MAPK13: variants seen among roughly 807,000 people sequenced by gnomAD.
MAPK13 encodes the protein mitogen-activated protein kinase 13.
In MAPK13, 39 loss-of-function variants were observed where a neutral mutation model predicts 53.5. The observed-to-expected ratio is 0.73, with a 90% CI of 0.56 to 0.95. The LOEUF is 0.95. Among genes scored for constraint, MAPK13 ranks in the 40% least tolerant of loss-of-function variants. The pLI is 0.00. For missense variants in MAPK13, 460 were observed against 471.8 expected (o/e 0.98, Z 0.23); for synonymous variants, 179 against 190.9 (o/e 0.94, Z 0.51).
chr6:36,130,538 C>A lies in MAPK13; in HGVS notation c.-45C>A, dbSNP rs13208493. 2 of 1,063,128 alleles carry A rather than the reference C, an allele frequency of 1.9e-6. No homozygotes were observed. Among genetic ancestry groups the A allele is most frequent in the Non-Finnish European group, 2.7e-6 (2 of 740,052 alleles). The allele number at this position is 1,063,128 out of a possible 1,614,324, so 65.9% of individuals were successfully genotyped here. A position where few individuals can be genotyped will look rare whatever the true frequency, so the allele number is the denominator to read the frequency against. ...GGGGCGCTGGGAGCCCGTTGGGCCGCGAACGCAGCCGCCACGCTGGGGCCG... is the reference window on the plus strand; with the variant it reads ...GGGGCGCTGGGAGCCCGTTGGGCCGAGAACGCAGCCGCCACGCTGGGGCCG... On this transcript the variant is annotated 5_prime_UTR_variant, in exon 1 of 12. Coordinates refer to ENST00000211287, the MANE Select transcript of MAPK13 (RefSeq NM_002754.5). This position sits in a 1 kb window ranked among gnomAD's most constrained non-coding sequence, Gnocchi z 4.5.
intron 3 of MAPK13, 80 bp downstream of exon 3, chr6:36,132,759 G>T: frequency 2.0e-6 from 3 of 1,491,938 alleles, no homozygotes; most frequent in South Asian, 2.3e-5. Flanking sequence ...AGGGTCTAGG[G>T]TTTCTATTCC....
Position 36,141,131 on chromosome 6 carries a change from C to T in MAPK13, c.*1758C>T, listed in dbSNP as rs2127488000. 1 of 152,218 alleles carries T rather than the reference C, an allele frequency of 6.6e-6. No homozygotes were observed. The highest frequency in any genetic ancestry group is 1.5e-5 in the Non-Finnish European group (1 of 68,024). 9.4% of individuals were successfully genotyped at this position (152,218 alleles called of 1,614,324 possible). ...GCATTTTTAAGGCCTTGAAACTCTT[C>T]TGTATAATACTGTAATGGTGGATAC... On this transcript the variant is annotated 3_prime_UTR_variant, in exon 12 of 12. Coordinates refer to ENST00000211287, the MANE Select transcript of MAPK13 (RefSeq NM_002754.5).
intron 10 of MAPK13, 48 bp from the exon 11 acceptor site, chr6:36,138,831 C>G: frequency 6.2e-7 from 1 of 1,612,792 alleles, no homozygotes; most frequent in Non-Finnish European, 8.5e-7. Context: ...TCCCAGAGGG[C>G]GGGCTCTCCC....
At position 36,130,941 on chromosome 6, in the gene MAPK13, C is replaced by T. The variant is rs963584419; in HGVS notation, c.119+240C>T. 4.5e-5 allele frequency: 23 copies of T among 515,064 alleles called. No homozygotes were observed. Among genetic ancestry groups the T allele is most frequent in the Admixed American group, 7.3e-5 (2 of 27,568 alleles). The allele number at this position is 515,064 out of a possible 1,614,324, so 31.9% of individuals were successfully genotyped here. On this transcript the variant is annotated intron_variant, in intron 1 of 11. Transcript: ENST00000211287. The surrounding 1 kb of genome is among the most constrained non-coding windows in gnomAD (Gnocchi z 4.5). ...CCAGGACTGTACACTTGCAAGACCCCAGAGTTCATCGGGCAGATCCTCACT... is the reference window on the plus strand; with the variant it reads ...CCAGGACTGTACACTTGCAAGACCCTAGAGTTCATCGGGCAGATCCTCACT...
At chr6:36,132,425 C>A (rs1249381678) in intron 2 of MAPK13, among the ~76,000 whole-genome samples, 196 bp from the exon 3 acceptor site, 2 of 152,268 alleles carry the variant, frequency 1.3e-5, no homozygotes, top group African/African-American at 4.8e-5. Flanking sequence ...TGATTTATTG[C>A]AAACTCCCTC....
rs1766324052 is a variant in MAPK13, at chr6:36,131,544, G to T, written c.249+144G>T. On this transcript the variant is annotated intron_variant, in intron 2 of 11. Transcript: ENST00000211287. Reference sequence around the variant, plus strand: ...GTGCCTCTCGCCTCACTATTGAAAGGAGGGGGTGCCGAGACCTTCCCTGCC... The same window carrying T: ...GTGCCTCTCGCCTCACTATTGAAAGTAGGGGGTGCCGAGACCTTCCCTGCC... 7 of 812,462 alleles carry T rather than the reference G, an allele frequency of 8.6e-6. No homozygotes were observed. The African/African-American group carries it at 8.6e-5, about 10-fold the overall frequency. 50.3% of individuals were successfully genotyped at this position (812,462 alleles called of 1,614,324 possible).
At chr6:36,135,672 GC>G (rs1254158493) in intron 3 of MAPK13, 80 bp from the exon 4 acceptor site, 3 of 953,652 alleles carry the variant, frequency 3.1e-6, no homozygotes, top group Non-Finnish European at 5.0e-6. Flanking sequence ...CCCCTGTTCT[GC>G]CCTGAGGTCC....
chr6:36,144,420 CTG>C lies in MAPK13; in HGVS notation c.*5049_*5050del, dbSNP rs1348875804. 6 of 152,278 alleles carry C rather than the reference CTG, an allele frequency of 3.9e-5. No individual in the cohort carries two copies. The highest frequency in any genetic ancestry group is 3.4e-3 in the Middle Eastern group (1 of 292). 9.4% of individuals were successfully genotyped at this position (152,278 alleles called of 1,614,324 possible). A position where few individuals can be genotyped will look rare whatever the true frequency, so the allele number is the denominator to read the frequency against. On this transcript the variant is annotated 3_prime_UTR_variant, in exon 12 of 12. Coordinates refer to ENST00000211287, the MANE Select transcript of MAPK13 (RefSeq NM_002754.5). ...AAACTGTAAAGGGATATGAAAAACT[CTG>C]TAATTTCTATTGGCACTGCTGATAC...
chr6:36,134,337 AC>A (rs1766374180), intron 3 of MAPK13, among the ~76,000 whole-genome samples: 1 of 152,092 alleles, frequency 6.6e-6, no homozygotes, highest in African/African-American at 2.4e-5. Flanking sequence ...AACAACAACA[AC>A]AACAAAAAAC....
At chr6:36,132,752 G>T (rs896360009) in intron 3 of MAPK13, 73 bp downstream of exon 3, 3 of 1,529,130 alleles carry the variant, frequency 2.0e-6, no homozygotes, top group Admixed American at 3.3e-5. Context: ...GTGGGGGAGG[G>T]TCTAGGGTTT....
intron 2 of MAPK13, 138 bp from the exon 3 acceptor site, chr6:36,132,483 A>T (rs1766340528): frequency 1.4e-6 from 1 of 725,880 alleles, no homozygotes; most frequent in Non-Finnish European, 2.5e-6. Flanking sequence ...ACTGCTTCCA[A>T]GAAGGTTGGA....
At chr6:36,134,798 G>A (rs1345640686) in intron 3 of MAPK13, among the ~76,000 whole-genome samples, 1 of 152,090 alleles carries the variant, frequency 6.6e-6, no homozygotes, top group African/African-American at 2.4e-5. Flanking sequence ...CAGATCACCT[G>A]AGGTCAGGAG....
chr6:36,132,400 C>G (rs934886216), intron 2 of MAPK13, among the ~76,000 whole-genome samples: 9 of 152,258 alleles, frequency 5.9e-5, no homozygotes, highest in Admixed American at 5.2e-4. Context: ...TTCTCCCCAG[C>G]CTGACTCTCT....
At chr6:36,133,213 G>A (rs775835610) in intron 3 of MAPK13, among the ~76,000 whole-genome samples, 40 of 152,236 alleles carry the variant, frequency 2.6e-4, no homozygotes, top group Admixed American at 4.6e-4. Flanking sequence ...GTGGCACGTG[G>A]AGGCCAGCAG....
chr6:36,138,340 G>T (rs772684507), intron 8 of MAPK13, 25 bp from the exon 9 acceptor site: 1 of 1,605,466 alleles, frequency 6.2e-7, no homozygotes, highest in South Asian at 1.1e-5. Context: ...AGGAGAGCAA[G>T]GCTAAGCCTT....
At chr6:36,131,227 C>G in intron 1 of MAPK13, 44 bp from the exon 2 acceptor site, 1 of 1,592,930 alleles carries the variant, frequency 6.3e-7, no homozygotes, top group Non-Finnish European at 8.6e-7. Flanking sequence ...GGAGATACGG[C>G]CCAGGAGGAG....
chr6:36,143,109 A>G lies in MAPK13; in HGVS notation c.*3736A>G, dbSNP rs1203740032. 1 of 152,236 alleles carries G rather than the reference A, an allele frequency of 6.6e-6. No homozygotes were observed. The highest frequency in any genetic ancestry group is 1.5e-5 in the Non-Finnish European group (1 of 68,076). The allele number at this position is 152,236 out of a possible 1,614,324, so 9.4% of individuals were successfully genotyped here. On this transcript the variant is annotated 3_prime_UTR_variant, in exon 12 of 12. Transcript: ENST00000211287. ...TAACAGAGAGAGATCAGGAAGCCAG[A>G]CTGCAAGGTGGGGGACATTTCCTAA...
At position 36,139,996 on chromosome 6, in the gene MAPK13, C is replaced by T. The variant is rs1766503755; in HGVS notation, c.*623C>T. Reference sequence around the variant, plus strand: ...AATCCTGTGTGATCTTATCTTGATCCTTATTAATTAAACCTGCAAATACTC... The same window carrying T: ...AATCCTGTGTGATCTTATCTTGATCTTTATTAATTAAACCTGCAAATACTC... On this transcript the variant is annotated 3_prime_UTR_variant, in exon 12 of 12. Transcript: ENST00000211287. The T allele has an allele frequency of 6.6e-6, 1 of 152,338 alleles. No individual in the cohort carries two copies. The highest frequency in any genetic ancestry group is 2.1e-4 in the South Asian group (1 of 4,828). The allele number at this position is 152,338 out of a possible 1,614,324, so 9.4% of individuals were successfully genotyped here. A position where few individuals can be genotyped will look rare whatever the true frequency, so the allele number is the denominator to read the frequency against.
rs1217967819 is a variant in MAPK13 at position 36,144,353 on chromosome 6, A to G, written c.*4980A>G. ...CCTATTAAACAATGGTAAACTGAAGAGAGATGAGTGTAAACAATATTTTAA... is the reference window on the plus strand; with the variant it reads ...CCTATTAAACAATGGTAAACTGAAGGGAGATGAGTGTAAACAATATTTTAA... On this transcript the variant is annotated 3_prime_UTR_variant, in exon 12 of 12. Coordinates refer to ENST00000211287, the MANE Select transcript of MAPK13 (RefSeq NM_002754.5). The G allele has an allele frequency of 8.0e-6, 1 of 124,488 alleles. No homozygotes were observed. The highest frequency in any genetic ancestry group is 1.7e-5 in the Non-Finnish European group (1 of 60,574). 7.7% of individuals were successfully genotyped at this position (124,488 alleles called of 1,614,324 possible).
Sources: allele counts gnomAD v4.1 joint callset (sites outside exome capture counted in the v4.1 genomes callset), GRCh38; gene constraint gnomAD v4.1.1; non-coding constraint Gnocchi (gnomAD v3.1); transcripts MANE v1.5; gene names NCBI Gene and HGNC (gene_info 2026-07-23, HGNC 2026-07-21).